The following ICA1 variants were observed in gnomAD, a reference collection of about 807,000 sequenced individuals.
ICA1 encodes the protein islet cell autoantigen 1.
In ICA1, 40 loss-of-function variants were observed where a neutral mutation model predicts 71.0. The ratio of observed to expected loss-of-function variants is 0.56; its 90% confidence interval spans 0.44 to 0.73. ICA1 has a LOEUF of 0.73. Among genes scored for constraint, ICA1 ranks in the 30% least tolerant of loss-of-function variants. The pLI, the probability that ICA1 is intolerant of heterozygous loss-of-function variation, is 0.00. For synonymous variants in ICA1, 207 were observed against 209.5 expected (o/e 0.99, Z 0.10); for missense variants, 578 against 576.5 (o/e 1.00, Z -0.03).
chr7:8,221,953 G>C (rs980767568), intron 4 of ICA1, among the ~76,000 whole-genome samples: 1 of 152,122 alleles, frequency 6.6e-6, no homozygotes, highest in Non-Finnish European at 1.5e-5. Flanking sequence ...TAAAAATACA[G>C]AGCTGGAACC....
intron 6 of ICA1, among the ~76,000 whole-genome samples, chr7:8,190,230 T>C (rs187878428): frequency 4.5e-4 from 68 of 152,032 alleles, no homozygotes; most frequent in South Asian, 1.2e-3. Context: ...TTTTTTTTTT[T>C]CCGCAGTCAG....
At chr7:8,120,490 TG>T (rs1786488525) in intron 13 of ICA1, among the ~76,000 whole-genome samples, 1 of 152,182 alleles carries the variant, frequency 6.6e-6, no homozygotes, top group South Asian at 2.1e-4. Flanking sequence ...AACTTAGTGT[TG>T]CTAATATTCC....
At chr7:8,209,104 T>C (rs922478684) in intron 6 of ICA1, among the ~76,000 whole-genome samples, 2 of 152,202 alleles carry the variant, frequency 1.3e-5, no homozygotes, top group African/African-American at 2.4e-5. Context: ...GAAAACTATC[T>C]TGGACCAGAT....
chr7:8,185,156 T>G (rs967173794), intron 6 of ICA1, among the ~76,000 whole-genome samples: 2 of 151,492 alleles, frequency 1.3e-5, no homozygotes, highest in African/African-American at 4.9e-5. Context: ...ACTGAAAAAG[T>G]CAGCTCAAAT....
At chr7:8,260,784 T>C (rs1321666033) in intron 1 of ICA1, among the ~76,000 whole-genome samples, 1 of 152,218 alleles carries the variant, frequency 6.6e-6, no homozygotes, top group Non-Finnish European at 1.5e-5. Flanking sequence ...AAAGCATTTT[T>C]AGAGAGTGTG....
At chr7:8,157,290 C>T in intron 7 of ICA1, 76 bp from the exon 8 acceptor site, 1 of 1,330,638 alleles carries the variant, frequency 7.5e-7, no homozygotes, top group East Asian at 2.3e-5. Context: ...AAGTATGACT[C>T]TCTGTAGCTT....
chr7:8,219,353 T>C (rs1404619300), intron 5 of ICA1, among the ~76,000 whole-genome samples: 5 of 152,256 alleles, frequency 3.3e-5, no homozygotes. Context: ...AAAATGAATA[T>C]TTAAATTTCA....
At chr7:8,212,981 A>G (rs1483371775) in intron 6 of ICA1, among the ~76,000 whole-genome samples, 1 of 152,208 alleles carries the variant, frequency 6.6e-6, no homozygotes, top group Non-Finnish European at 1.5e-5. Context: ...AAGTTGTGCC[A>G]TGTGAAAACA....
At chr7:8,119,856 G>A (rs1177296352) in intron 13 of ICA1, among the ~76,000 whole-genome samples, 1 of 152,136 alleles carries the variant, frequency 6.6e-6, no homozygotes, top group East Asian at 1.9e-4. Flanking sequence ...AAAGATAAAA[G>A]ATAAATAAGA....
intron 6 of ICA1, among the ~76,000 whole-genome samples, chr7:8,205,736 AG>A (rs1791284664): frequency 6.6e-6 from 1 of 152,222 alleles, no homozygotes; most frequent in African/African-American, 2.4e-5. Flanking sequence ...CCCAAAGAAA[AG>A]GAACTGATGA....
At chr7:8,233,848 T>C (rs905095205) in intron 2 of ICA1, among the ~76,000 whole-genome samples, 1 of 152,208 alleles carries the variant, frequency 6.6e-6, no homozygotes, top group African/African-American at 2.4e-5. Flanking sequence ...AACTCTTCCA[T>C]ATAAATGCTT....
chr7:8,168,999 T>C lies in ICA1; in HGVS notation c.580-10347A>G, dbSNP rs187779431. Among the ~76,000 whole-genome samples, 36 of 152,240 alleles carry C rather than the reference T, an allele frequency of 2.4e-4. 1 individual carries two copies. Among genetic ancestry groups the C allele is most frequent in the Admixed American group, 2.2e-3 (33 of 15,266 alleles). The stretch of plus-strand genomic sequence containing the variant: ...CATTCTATATTCCTAAAAGTTCCCG[T>C]TGTAGTCAATTCCTTCCCTCAAGTC... On this transcript the variant is annotated intron_variant, in intron 6 of 13. Coordinates refer to ENST00000402384, the MANE Select transcript of ICA1 (RefSeq NM_001136020.3).
Position 8,132,342 on chromosome 7 carries a change from A to G in ICA1, c.1061-4200T>C, listed in dbSNP as rs1321763139. On this transcript the variant is annotated intron_variant, in intron 12 of 13. Coordinates refer to ENST00000402384, the MANE Select transcript of ICA1 (RefSeq NM_001136020.3). The surrounding 1 kb of genome is among the most constrained non-coding windows in gnomAD (Gnocchi z 4.5). The stretch of plus-strand genomic sequence containing the variant: ...GCAGGAGATGTGTGCCTATCTCAAC[A>G]ATAATCAGCCTTCACTTGATGTTGC... Among the ~76,000 whole-genome samples, 1 of 152,068 alleles carries G rather than the reference A, an allele frequency of 6.6e-6. No homozygotes were observed. Among genetic ancestry groups the G allele is most frequent in the East Asian group, 1.9e-4 (1 of 5,192 alleles).
chr7:8,210,512 T>C (rs1421401324), intron 6 of ICA1, among the ~76,000 whole-genome samples: 1 of 152,166 alleles, frequency 6.6e-6, no homozygotes, highest in African/African-American at 2.4e-5. Context: ...GCTGTGAAAG[T>C]ACATCCAGTA....
At chr7:8,259,242 T>C (rs1368692272) in intron 1 of ICA1, among the ~76,000 whole-genome samples, 1 of 152,074 alleles carries the variant, frequency 6.6e-6, no homozygotes, top group Non-Finnish European at 1.5e-5. Context: ...TGGAAGAGAG[T>C]AGCAGGCACG....
At chr7:8,205,339 T>C (rs775972352) in intron 6 of ICA1, among the ~76,000 whole-genome samples, 15 of 152,202 alleles carry the variant, frequency 9.9e-5, no homozygotes, top group Non-Finnish European at 1.6e-4. Flanking sequence ...AATACTTGAT[T>C]TGTGGTGCCT....
intron 10 of ICA1, among the ~76,000 whole-genome samples, chr7:8,141,390 A>C (rs1219690975): frequency 6.6e-6 from 1 of 151,940 alleles, no homozygotes; most frequent in Non-Finnish European, 1.5e-5. Flanking sequence ...CCGCAAATCC[A>C]CCTCTCCTGA....
intron 2 of ICA1, among the ~76,000 whole-genome samples, chr7:8,235,275 T>C (rs1801492504): frequency 1.3e-5 from 2 of 152,202 alleles, no homozygotes; most frequent in East Asian, 1.9e-4. Context: ...ATCTGCTTGC[T>C]TGGTGGGTCA....
At chr7:8,152,835 C>CCCACCACTACCACCATCACCTCTT (rs1562704426) in intron 8 of ICA1, among the ~76,000 whole-genome samples, 1 of 127,930 alleles carries the variant, frequency 7.8e-6, no homozygotes, top group Admixed American at 7.9e-5. Flanking sequence ...CACCACTACC[C>CCCACCACTACCACCATCACCTCTT]CCACCACTAC....
Sources: gnomAD v4.1 joint callset for allele counts (sites outside exome capture counted in the v4.1 genomes callset) on GRCh38, gnomAD v4.1.1 for gene constraint, Gnocchi (gnomAD v3.1) non-coding constraint, MANE v1.5 for transcripts, NCBI Gene and HGNC (gene_info 2026-07-23, HGNC 2026-07-21) for gene names.